Variants in FCHSD2 observed in about 807,000 individuals in gnomAD.
FCHSD2 encodes the protein F-BAR and double SH3 domains protein 2.
FCHSD2 carries 38 observed loss-of-function variants against 108.1 expected under a neutral mutation model. The ratio of observed to expected loss-of-function variants is 0.35; its 90% CI spans 0.27 to 0.46. The LOEUF (loss-of-function observed/expected upper bound fraction) is 0.46. Among genes scored for constraint, FCHSD2 ranks in the 20% least tolerant of loss-of-function variants. The probability of loss-of-function intolerance (pLI) is 1.00; values close to 1 mark genes in which losing one functional copy is unlikely to be tolerated. For synonymous variants in FCHSD2, 279 were observed against 314.7 expected (o/e 0.89, Z 1.20); for missense variants, 751 against 897.8 (o/e 0.84, Z 2.09).
rs1322857812 is a variant in FCHSD2, at chr11:73,142,005, G to C, written c.-128C>G. 1 of 918,714 alleles carries C rather than the reference G, an allele frequency of 1.1e-6. No individual in the cohort carries two copies. The highest frequency in any genetic ancestry group is 1.6e-6 in the Non-Finnish European group (1 of 612,736). The allele number at this position is 918,714 out of a possible 1,614,324, so 56.9% of individuals were successfully genotyped here. A position where few individuals can be genotyped will look rare whatever the true frequency, so the allele number is the denominator to read the frequency against. On this transcript the variant is annotated 5_prime_UTR_variant, in exon 1 of 20. Transcript: ENST00000409418. Reference sequence around the variant, plus strand: ...TGTGAAAGGAGCGCTTAAGAAGCAAGACTTGCCCCGGAGGGAGCAGGCCAG... The same window carrying C: ...TGTGAAAGGAGCGCTTAAGAAGCAACACTTGCCCCGGAGGGAGCAGGCCAG...
intron 13 of FCHSD2, among the ~76,000 whole-genome samples, chr11:72,865,385 T>C (rs1854698387): frequency 6.6e-6 from 1 of 152,166 alleles, no homozygotes; most frequent in Non-Finnish European, 1.5e-5. Context: ...CCACAAAATG[T>C]AATCTCTCAG....
chr11:72,908,536 C>T (rs1256126232), intron 9 of FCHSD2, among the ~76,000 whole-genome samples: 1 of 152,198 alleles, frequency 6.6e-6, no homozygotes, highest in Non-Finnish European at 1.5e-5. Flanking sequence ...ACATCCTCAC[C>T]AGCATCTGTG....
chr11:73,076,954 C>CAA (rs368864043), intron 3 of FCHSD2, among the ~76,000 whole-genome samples: 3,361 of 151,504 alleles, frequency 0.022, 127 homozygotes, highest in African/African-American at 0.075. Flanking sequence ...ACTAAAAATA[C>CAA]AAAAAATTAG....
chr11:72,895,479 ATTTTGGTAGCTC>A (rs1157285939), intron 10 of FCHSD2, among the ~76,000 whole-genome samples: 3 of 152,206 alleles, frequency 2.0e-5, no homozygotes, highest in Non-Finnish European at 4.4e-5. Flanking sequence ...GTATGCCTTT[ATTTTGGTAGCTC>A]TCACAGAGAT....
At chr11:72,940,482 C>CA in intron 8 of FCHSD2, 1 of 703,858 alleles carries the variant, frequency 1.4e-6, no homozygotes, top group Non-Finnish European at 2.5e-6. Context: ...TGGCAGTAGC[C>CA]ATCAGGTAAG....
intron 2 of FCHSD2, among the ~76,000 whole-genome samples, chr11:73,088,378 T>C (rs575833800): frequency 1.3e-5 from 2 of 152,222 alleles, no homozygotes; most frequent in African/African-American, 4.8e-5. Context: ...TCCATGATGT[T>C]CACACAATGA....
chr11:72,982,570 A>C (rs1177270853), intron 8 of FCHSD2, among the ~76,000 whole-genome samples: 1 of 152,254 alleles, frequency 6.6e-6, no homozygotes, highest in African/African-American at 2.4e-5. Context: ...ACCTGGCAAC[A>C]GATTACAAAG....
chr11:72,975,962 TC>T lies in FCHSD2; in HGVS notation c.705+8125del, dbSNP rs555802084. On this transcript the variant is annotated intron_variant, in intron 8 of 19. Coordinates refer to ENST00000409418, the MANE Select transcript of FCHSD2 (RefSeq NM_014824.3). ...TCATCCAAACCACAAAGAAAATATT[TC>T]ACAAGCTTCTAAAAAATGTTAGTTC... is the stretch of plus-strand genomic sequence containing the variant. Among the ~76,000 whole-genome samples the T allele has an allele frequency of 8.5e-5, 13 of 152,308 alleles. No individual in the cohort carries two copies. In the East Asian group the frequency reaches 2.5e-3, roughly 29 times the overall value.
intron 2 of FCHSD2, among the ~76,000 whole-genome samples, chr11:73,088,786 C>T (rs565935959): frequency 6.6e-6 from 1 of 152,206 alleles, no homozygotes; most frequent in Non-Finnish European, 1.5e-5. Context: ...ACACTTTCAC[C>T]ATTTAAAAAC....
chr11:72,933,769 A>G, intron 8 of FCHSD2, among the ~76,000 whole-genome samples: 1 of 152,228 alleles, frequency 6.6e-6, no homozygotes, highest in Non-Finnish European at 1.5e-5. Context: ...AATTGCAAAT[A>G]CAATCCAAAA....
In FCHSD2 at chr11:73,001,086, T is replaced by C; in HGVS notation, c.291A>G (p.Val97=). ...CACATATATTCATCCGAGACTGGGC[T>C]ACCTGCATTGTTCCCTCGAGAAAAG... ...WKSFLEGTMQ[V]AQSRMNICEN... The change falls in exon 5 of 20, where the codon GTA becomes GTG. Residue 97 remains valine (V), a synonymous_variant. Coordinates refer to ENST00000409418, the MANE Select transcript of FCHSD2 (RefSeq NM_014824.3). 6.2e-7 allele frequency: 1 copy of C among 1,613,264 alleles called. No individual in the cohort carries two copies. Among genetic ancestry groups the C allele is most frequent in the Non-Finnish European group, 8.5e-7 (1 of 1,179,468 alleles).
intron 8 of FCHSD2, among the ~76,000 whole-genome samples, chr11:72,934,213 T>C (rs891477937): frequency 2.0e-5 from 3 of 151,928 alleles, no homozygotes; most frequent in Non-Finnish European, 4.4e-5. Flanking sequence ...GATGCATCTG[T>C]ATCTTGTCTA....
chr11:72,874,050 T>C (rs1422561277), intron 12 of FCHSD2, among the ~76,000 whole-genome samples: 6 of 152,300 alleles, frequency 3.9e-5, no homozygotes, highest in African/African-American at 4.8e-5. Context: ...CTGAACTGCA[T>C]ATGATCTGGT....
chr11:73,069,028 A>G (rs1487917720), intron 3 of FCHSD2, among the ~76,000 whole-genome samples: 1 of 151,480 alleles, frequency 6.6e-6, no homozygotes. Context: ...ACAAAAAAAA[A>G]GGCCAGGAAT....
chr11:72,921,771 G>A, intron 9 of FCHSD2, 57 bp downstream of exon 9: 1 of 1,466,878 alleles, frequency 6.8e-7, no homozygotes, highest in Non-Finnish European at 9.5e-7. Flanking sequence ...TTTGTATGCA[G>A]AAATACTTTA....
intron 2 of FCHSD2, among the ~76,000 whole-genome samples, chr11:73,088,647 CT>C (rs1241348576): frequency 5.3e-5 from 8 of 152,022 alleles, no homozygotes; most frequent in Admixed American, 3.9e-4. Context: ...TGTACACACA[CT>C]TTTTTTACAC....
At chr11:73,027,882 A>C (rs890610596) in intron 3 of FCHSD2, among the ~76,000 whole-genome samples, 1 of 152,254 alleles carries the variant, frequency 6.6e-6, no homozygotes, top group Admixed American at 6.5e-5. Context: ...AGAGGGTGCA[A>C]GCCCCAAACC....
chr11:72,878,501 A>G (rs187750074), intron 12 of FCHSD2, among the ~76,000 whole-genome samples: 1 of 152,318 alleles, frequency 6.6e-6, no homozygotes, highest in East Asian at 1.9e-4. Flanking sequence ...AGAAACAGCT[A>G]ATTCTAAGTC....
chr11:72,893,578 G>A (rs990868333), intron 10 of FCHSD2, among the ~76,000 whole-genome samples: 28 of 152,202 alleles, frequency 1.8e-4, no homozygotes, highest in Admixed American at 9.2e-4. Flanking sequence ...ACCTCCCAAA[G>A]TGCTGGGATT....
Sources: gnomAD v4.1 joint callset for allele counts (sites outside exome capture counted in the v4.1 genomes callset) on GRCh38, gnomAD v4.1.1 for gene constraint, MANE v1.5 for transcripts, NCBI Gene and HGNC (gene_info 2026-07-23, HGNC 2026-07-21) for gene names.